The following CIPC variants were observed in gnomAD, a reference collection of about 807,000 sequenced individuals.
The protein encoded by CIPC is CLOCK-interacting pacemaker.
A neutral mutation model predicts 26.7 loss-of-function variants in CIPC; 12 were observed. The observed-to-expected ratio is 0.45, with a 90% CI of 0.29 to 0.73. CIPC has a LOEUF of 0.73. CIPC is among the 30% of genes least tolerant of loss of function. The pLI, the probability that CIPC is intolerant of heterozygous loss-of-function variation, is 0.12. For missense variants in CIPC, 417 were observed against 486.5 expected, an observed-to-expected ratio of 0.86 and a Z score of 1.34; for synonymous variants, 170 against 189.8, an observed-to-expected ratio of 0.90 and a Z score of 0.86.
At chr14:77,109,502 T>C (rs1049954151) in intron 2 of CIPC, among the ~76,000 whole-genome samples, 7 of 152,208 alleles carry the variant, frequency 4.6e-5, no homozygotes, top group African/African-American at 1.7e-4. Context: ...CTTGAACTCA[T>C]TTCTCCTGTA....
At chr14:77,100,814 C>T (rs1886466383) in intron 1 of CIPC, among the ~76,000 whole-genome samples, 1 of 152,198 alleles carries the variant, frequency 6.6e-6, no homozygotes, top group Admixed American at 6.5e-5. Flanking sequence ...GGTGATCCAT[C>T]CACCTCTGCC....
intron 2 of CIPC, among the ~76,000 whole-genome samples, chr14:77,109,054 T>C (rs1186815837): frequency 2.6e-5 from 4 of 152,212 alleles, no homozygotes; most frequent in African/African-American, 9.6e-5. Flanking sequence ...ATTTCCTTTA[T>C]GTGCAGAATG....
chr14:77,113,983 T>C lies in CIPC; in HGVS notation c.865T>C (p.Tyr289His). ...NSPLSPLSAN[Y>H]SSPLWAAEHL... is the part of the protein sequence containing the mutation. ...TCCCCTTTCACCACTGTCCGCTAAT[T>C]ATAGCTCACCTTTATGGGCTGCAGA... The change falls in exon 4 of 4, where the codon TAT becomes CAT. Residue 289 changes from tyrosine (Y) to histidine (H), a missense_variant. Physicochemically the swap from Tyr to His is moderately conservative, Grantham distance 83. Coordinates refer to ENST00000361786, the MANE Select transcript of CIPC (RefSeq NM_033426.3). 1 of 1,614,216 alleles carries C rather than the reference T, an allele frequency of 6.2e-7. No homozygotes were observed. Among genetic ancestry groups the C allele is most frequent in the Non-Finnish European group, 8.5e-7 (1 of 1,180,036 alleles).
rs772636727 is a variant in CIPC at position 77,113,892 on chromosome 14, C to T, written c.774C>T (p.Thr258=). 13 of 1,614,004 alleles carry T rather than the reference C, an allele frequency of 8.1e-6. No homozygotes were observed. In the South Asian group the frequency reaches 1.2e-4, roughly 15 times the overall value. The change falls in exon 4 of 4, where the codon ACC becomes ACT. Residue 258 remains threonine (T), a synonymous_variant. Coordinates refer to ENST00000361786, the MANE Select transcript of CIPC (RefSeq NM_033426.3). Reference sequence around the variant, plus strand: ...ACGTGGCTAAAGCTCCCAGTCTGACCTTCGCTTCCCCCGCCAGTCCTGTCT... The same window carrying T: ...ACGTGGCTAAAGCTCCCAGTCTGACTTTCGCTTCCCCCGCCAGTCCTGTCT... ...SSHVAKAPSL[T]FASPASPVCA... is the part of the protein sequence containing the mutation.
rs371650589 is a variant in CIPC, at chr14:77,113,796, A to G, written c.678A>G (p.Ser226=). The change falls in exon 4 of 4, where the codon TCA becomes TCG. Residue 226 remains serine (S), a synonymous_variant. Transcript: ENST00000361786. ...APPSAKLAED[S]ALQGVPSLVA... is the part of the protein sequence containing the mutation. ...CCAGCGCCAAACTTGCCGAGGACTC[A>G]GCTCTGCAGGGTGTGCCCTCTCTGG... The G allele has an allele frequency of 6.2e-7, 1 of 1,613,942 alleles. No individual in the cohort carries two copies. Among genetic ancestry groups the G allele is most frequent in the African/African-American group, 1.3e-5 (1 of 74,934 alleles).
intron 3 of CIPC, among the ~76,000 whole-genome samples, chr14:77,111,987 T>C (rs1219918476): frequency 6.6e-6 from 1 of 152,190 alleles, no homozygotes; most frequent in Non-Finnish European, 1.5e-5. Flanking sequence ...CTTAGTATAT[T>C]CCGGAGTATA....
chr14:77,111,364 G>A (rs1372540103), intron 3 of CIPC, among the ~76,000 whole-genome samples: 2 of 152,198 alleles, frequency 1.3e-5, no homozygotes, highest in African/African-American at 4.8e-5. Context: ...GAGACTTGGG[G>A]ACAAGCTGAC....
At chr14:77,107,040 G>T (rs746829919) in intron 2 of CIPC, among the ~76,000 whole-genome samples, 48 of 152,186 alleles carry the variant, frequency 3.2e-4, no homozygotes, top group Admixed American at 1.5e-3. Flanking sequence ...TCTGGACAGG[G>T]CCTGGAATGT....
rs1886774850 is a variant in CIPC at position 77,114,665 on chromosome 14, G to GCCTT, written c.*347_*348insCCTT. On this transcript the variant is annotated 3_prime_UTR_variant, in exon 4 of 4. Coordinates refer to ENST00000361786, the MANE Select transcript of CIPC (RefSeq NM_033426.3). ...CATCCCACTCTCTCACCAGGATCAA[G>GCCTT]GGTACAGTAACACGAATGAGCATAC... 1 of 237,878 alleles carries GCCTT rather than the reference G, an allele frequency of 4.2e-6. No homozygotes were observed. The highest frequency in any genetic ancestry group is 2.2e-5 in the African/African-American group (1 of 44,878). 14.7% of individuals were successfully genotyped at this position (237,878 alleles called of 1,614,324 possible).
intron 1 of CIPC, chr14:77,099,779 A>G (rs1886440710): frequency 6.6e-6 from 1 of 152,186 alleles, no homozygotes; most frequent in South Asian, 2.1e-4. Context: ...ACAAATCTTC[A>G]CAAAGATTGT....
At chr14:77,106,178 G>A in intron 2 of CIPC, 1 of 172,320 alleles carries the variant, frequency 5.8e-6, no homozygotes, top group Non-Finnish European at 1.2e-5. Flanking sequence ...TACATTGTAG[G>A]GGAAAAATTG....
intron 3 of CIPC, among the ~76,000 whole-genome samples, chr14:77,111,344 C>T (rs1886697271): frequency 6.6e-6 from 1 of 152,198 alleles, no homozygotes; most frequent in Non-Finnish European, 1.5e-5. Context: ...TGGGCCTGAT[C>T]AGGAGCTAAG....
rs952275550 is a variant in CIPC at position 77,114,387 on chromosome 14, C to T, written c.*69C>T. ...CATTTGCTGTTACCTACTCCTGTTT[C>T]CCAAAGCTTATGTAAGAGCTTTTCC... On this transcript the variant is annotated 3_prime_UTR_variant, in exon 4 of 4. Transcript: ENST00000361786. The T allele has an allele frequency of 4.8e-6, 7 of 1,457,418 alleles. No homozygotes were observed. Among genetic ancestry groups the T allele is most frequent in the Non-Finnish European group, 6.5e-6 (7 of 1,080,332 alleles). The allele number at this position is 1,457,418 out of a possible 1,614,324, so 90.3% of individuals were successfully genotyped here.
In CIPC at chr14:77,113,958, T is replaced by C; in HGVS notation, c.840T>C (p.Ser280=). The C allele has an allele frequency of 6.2e-7, 1 of 1,614,166 alleles. No homozygotes were observed. Among genetic ancestry groups the C allele is most frequent in the African/African-American group, 1.3e-5 (1 of 75,036 alleles). The change falls in exon 4 of 4, where the codon TCT becomes TCC. Residue 280 remains serine, a synonymous_variant. Coordinates refer to ENST00000361786, the MANE Select transcript of CIPC (RefSeq NM_033426.3). ...CTCTCCATGGGTTAGAGAGCAACTC[T>C]CCCCTTTCACCACTGTCCGCTAATT... ...DSTLHGLESN[S]PLSPLSANYS... is the part of the protein sequence containing the mutation.
At position 77,113,850 on chromosome 14, in the gene CIPC, G is replaced by T. The variant is rs1238785524; in HGVS notation, c.732G>T (p.Gln244His). The part of the protein sequence containing the change: ...LVAGGSPQTL[Q>H]PVSSSHVAKA... ...CAGGTGGAAGTCCACAGACTCTTCA[G>T]CCGGTATCCAGCAGTCACGTGGCTA... Residue 244 changes from glutamine to histidine, a missense_variant, in exon 4 of 4, where the codon CAG (glutamine) becomes CAT (histidine). Transcript: ENST00000361786. The T allele has an allele frequency of 6.2e-7, 1 of 1,614,114 alleles. No individual in the cohort carries two copies.
In CIPC at chr14:77,109,829, C is replaced by G; in HGVS notation, c.154C>G (p.Leu52Val). The change falls in exon 3 of 4, where the codon CTG becomes GTG. Residue 52 changes from leucine (L) to valine (V), a missense_variant. Physicochemically the swap from Leu to Val is conservative, Grantham distance 32. Coordinates refer to ENST00000361786, the MANE Select transcript of CIPC (RefSeq NM_033426.3). ...CCCACCAGATGGGAGCTCGGAATGTCTGAGCTCTGCAGAGCAGATGGAGTC... is the reference window on the plus strand; with the variant it reads ...CCCACCAGATGGGAGCTCGGAATGTGTGAGCTCTGCAGAGCAGATGGAGTC... ...SGFSDGSSEC[L>V]SSAEQMESED... 1.9e-6 allele frequency: 3 copies of G among 1,613,462 alleles called. No individual in the cohort carries two copies. Among genetic ancestry groups the G allele is most frequent in the Non-Finnish European group, 2.5e-6 (3 of 1,179,498 alleles).
At chr14:77,104,818 T>C (rs1172984771) in intron 1 of CIPC, among the ~76,000 whole-genome samples, 1 of 152,214 alleles carries the variant, frequency 6.6e-6, no homozygotes, top group East Asian at 1.9e-4. Flanking sequence ...GATCATAAGC[T>C]ACAAGAAGGA....
intron 2 of CIPC, among the ~76,000 whole-genome samples, chr14:77,106,894 C>T (rs952377302): frequency 1.3e-5 from 2 of 152,122 alleles, no homozygotes; most frequent in Admixed American, 6.5e-5. Flanking sequence ...CAGGGAAGGG[C>T]GGGCCAACCT....
At chr14:77,099,376 T>C (rs1213778773) in intron 1 of CIPC, among the ~76,000 whole-genome samples, 1 of 152,164 alleles carries the variant, frequency 6.6e-6, no homozygotes, top group Non-Finnish European at 1.5e-5. Flanking sequence ...GTTGGAGAAA[T>C]GGAATGAATG....
Sources: gnomAD v4.1 joint callset for allele counts (sites outside exome capture counted in the v4.1 genomes callset) on GRCh38, gnomAD v4.1.1 for gene constraint, MANE v1.5 for transcripts, NCBI Gene and HGNC (gene_info 2026-07-23, HGNC 2026-07-21) for gene names.